Variants in ATAD2B observed in about 807,000 individuals in gnomAD.
ATAD2B encodes the protein ATPase family AAA domain-containing protein 2B.
ATAD2B carries 40 observed loss-of-function variants against 167.6 expected under a neutral mutation model. The ratio of observed to expected loss-of-function variants is 0.24; its 90% CI spans 0.19 to 0.31. The LOEUF (loss-of-function observed/expected upper bound fraction) is 0.31. ATAD2B is among the 10% of genes least tolerant of loss of function. ATAD2B has a pLI of 1.00. For synonymous variants in ATAD2B, 579 were observed against 596.5 expected (o/e 0.97, Z 0.43); for missense variants, 1,242 against 1,757.2 (o/e 0.71, Z 5.24).
At chr2:23,869,538 C>T in intron 9 of ATAD2B, 125 bp downstream of exon 9, 1 of 679,006 alleles carries the variant, frequency 1.5e-6, no homozygotes, top group South Asian at 1.7e-5. Context: ...AAGTAGAAAC[C>T]AAGTCAATGT....
intron 1 of ATAD2B, among the ~76,000 whole-genome samples, 155 bp from the exon 2 acceptor site, chr2:23,896,125 G>A (rs1314925472): frequency 1.3e-5 from 2 of 150,020 alleles, no homozygotes; most frequent in African/African-American, 4.9e-5. Context: ...AGACCAGACT[G>A]GCCAACATGG....
At chr2:23,765,482 A>T (rs1677285786) in intron 23 of ATAD2B, 24 bp downstream of exon 23, 1 of 1,593,704 alleles carries the variant, frequency 6.3e-7, no homozygotes, top group Non-Finnish European at 8.6e-7. Flanking sequence ...AGGCTTCAGT[A>T]CCAAGTTTAT....
chr2:23,919,937 G>A (rs974597554), intron 1 of ATAD2B, among the ~76,000 whole-genome samples: 8 of 151,750 alleles, frequency 5.3e-5, no homozygotes. Flanking sequence ...GATCACCTGA[G>A]GTCAGGATTT....
the ATAD2B span, chr2:23,708,285 T>C: frequency 1.3e-5 from 2 of 152,236 alleles, no homozygotes; most frequent in Non-Finnish European, 2.9e-5. Flanking sequence ...CAAAACTACA[T>C]ACATTGTATG....
the ATAD2B span, among the ~76,000 whole-genome samples, chr2:23,718,537 T>A: frequency 6.6e-6 from 1 of 152,022 alleles, no homozygotes. Context: ...GGGAAAAGGC[T>A]GTGAGATCTG....
the ATAD2B span, among the ~76,000 whole-genome samples, chr2:23,712,685 T>C: frequency 4.6e-5 from 7 of 151,906 alleles, no homozygotes; most frequent in African/African-American, 1.5e-4. Context: ...AGGACTCAAC[T>C]CCAAGAAGCC....
intron 1 of ATAD2B, among the ~76,000 whole-genome samples, chr2:23,922,383 C>A (rs1400218): frequency 0.74 from 111,601 of 151,634 alleles, 41,435 homozygotes; most frequent in East Asian, 0.85. Flanking sequence ...TGGAGCAAAA[C>A]AAAAGCCACA....
chr2:23,704,222 C>A, the ATAD2B span, among the ~76,000 whole-genome samples: 192 of 152,336 alleles, frequency 1.3e-3, no homozygotes, highest in Non-Finnish European at 1.9e-3. Flanking sequence ...CTGTGTGATG[C>A]CCTACAGGGA....
intron 13 of ATAD2B, among the ~76,000 whole-genome samples, chr2:23,840,510 T>C (rs576040152): frequency 6.6e-6 from 1 of 152,358 alleles, no homozygotes; most frequent in Non-Finnish European, 1.5e-5. Flanking sequence ...ACAGGTCATT[T>C]AGACTTTAGA....
In ATAD2B at chr2:23,754,229, G is replaced by C. The variant is rs1456966117; in HGVS notation, c.4285C>G (p.Gln1429Glu). 1.3e-6 allele frequency: 2 copies of C among 1,562,068 alleles called. No homozygotes were observed. Among genetic ancestry groups the C allele is most frequent in the Non-Finnish European group, 1.7e-6 (2 of 1,151,322 alleles). The change falls in exon 27 of 28, where the codon CAG (glutamine) becomes GAG (glutamate). Residue 1429 changes from glutamine to glutamate, a missense_variant. Gln to Glu is a conservative substitution (Grantham distance 29). Transcript: ENST00000238789. ...TCTTTACGATGACGGTAGATACACT[G>C]ACTAAGAAGAGAATATAATCTCTCA... is the stretch of plus-strand genomic sequence containing the variant. ...QLERLYSLLS[Q>E]CIYRHRKDYD...
At chr2:23,712,037 T>C in the ATAD2B span, among the ~76,000 whole-genome samples, 12 of 152,198 alleles carry the variant, frequency 7.9e-5, no homozygotes, top group Non-Finnish European at 1.6e-4. Flanking sequence ...CTCTGTACAC[T>C]GTTGAGTTTC....
intron 18 of ATAD2B, among the ~76,000 whole-genome samples, chr2:23,803,480 C>T (rs1445017046): frequency 6.6e-6 from 1 of 152,204 alleles, no homozygotes; most frequent in African/African-American, 2.4e-5. Context: ...ATTCCTGGGA[C>T]TCATTCCAAA....
intron 14 of ATAD2B, among the ~76,000 whole-genome samples, chr2:23,833,102 G>A (rs1689325841): frequency 6.6e-6 from 1 of 152,188 alleles, no homozygotes; most frequent in Non-Finnish European, 1.5e-5. Context: ...AACTACTGGT[G>A]ACTGTGGAGA....
At chr2:23,742,771 A>C in the ATAD2B span, among the ~76,000 whole-genome samples, 1 of 152,190 alleles carries the variant, frequency 6.6e-6, no homozygotes, top group South Asian at 2.1e-4. Context: ...AATGGCTCTT[A>C]AAAACTAAAT....
At chr2:23,808,976 T>A (rs1037832483) in intron 18 of ATAD2B, 6 of 152,158 alleles carry the variant, frequency 3.9e-5, no homozygotes, top group African/African-American at 1.2e-4. Flanking sequence ...CCTTTAAGAT[T>A]AAAATAATTC....
chr2:23,752,699 C>A (rs1675498065), intron 27 of ATAD2B, among the ~76,000 whole-genome samples: 1 of 151,978 alleles, frequency 6.6e-6, no homozygotes, highest in Non-Finnish European at 1.5e-5. Context: ...CATTATATTT[C>A]ACTAACTCCC....
chr2:23,812,792 G>C (rs1022019582), intron 17 of ATAD2B, among the ~76,000 whole-genome samples: 3 of 149,604 alleles, frequency 2.0e-5, no homozygotes, highest in African/African-American at 7.4e-5. Flanking sequence ...GAACCTGGGA[G>C]GCAGAGGTTG....
At chr2:23,845,375 A>G (rs1426418507) in intron 13 of ATAD2B, among the ~76,000 whole-genome samples, 2 of 152,164 alleles carry the variant, frequency 1.3e-5, no homozygotes, top group Non-Finnish European at 2.9e-5. Context: ...AAAAAGAACA[A>G]AATACTGACC....
At position 23,750,678 on chromosome 2, in the gene ATAD2B, T is replaced by TTTTC; in HGVS notation, c.*1364_*1367dup. 1 of 152,228 alleles carries TTTTC rather than the reference T, an allele frequency of 6.6e-6. No individual in the cohort carries two copies. Among genetic ancestry groups the TTTTC allele is most frequent in the Admixed American group, 6.5e-5 (1 of 15,276 alleles). 9.4% of individuals were successfully genotyped at this position (152,228 alleles called of 1,614,324 possible). A position where few individuals can be genotyped will look rare whatever the true frequency, so the allele number is the denominator to read the frequency against. On this transcript the variant is annotated 3_prime_UTR_variant, in exon 28 of 28. Coordinates refer to ENST00000238789, the MANE Select transcript of ATAD2B (RefSeq NM_017552.4). ...ATACCAAGCCAACTTGCTGGCAAAATTTTCTTTTTGTTTAAAAATCATCTG... is the reference window on the plus strand; with the variant it reads ...ATACCAAGCCAACTTGCTGGCAAAATTTTCTTTCTTTTTGTTTAAAAATCATCTG...
Sources: allele counts gnomAD v4.1 joint callset (sites outside exome capture counted in the v4.1 genomes callset), GRCh38; gene constraint gnomAD v4.1.1; transcripts MANE v1.5; gene names NCBI Gene and HGNC (gene_info 2026-07-23, HGNC 2026-07-21).